DAAM1: variants seen among roughly 807,000 people sequenced by gnomAD.
The protein encoded by DAAM1 is disheveled-associated activator of morphogenesis 1.
DAAM1 carries 52 observed loss-of-function variants against 130.0 expected under a neutral mutation model. The observed-to-expected ratio is 0.40, with a 90% CI of 0.32 to 0.50. The LOEUF (loss-of-function observed/expected upper bound fraction) is 0.50, where lower values mean the gene tolerates loss of function less well. Among genes scored for constraint, DAAM1 ranks in the 20% least tolerant of loss-of-function variants. The pLI, the probability that DAAM1 is intolerant of heterozygous loss-of-function variation, is 0.61. For synonymous variants in DAAM1, 452 were observed against 444.5 expected (o/e 1.02, Z -0.21); for missense variants, 1,134 against 1,303.8 (o/e 0.87, Z 2.01).
chr14:59,275,019 A>C (rs1468981506), intron 2 of DAAM1, among the ~76,000 whole-genome samples: 1 of 152,226 alleles, frequency 6.6e-6, no homozygotes, highest in African/African-American at 2.4e-5. Context: ...TTAAAGCTTT[A>C]AAGTGTCAGA....
chr14:59,362,702 A>T (rs921999107), intron 22 of DAAM1: 1 of 152,106 alleles, frequency 6.6e-6, no homozygotes, highest in African/African-American at 2.4e-5. Context: ...GAACCAAATC[A>T]GTGGTAGAGC....
chr14:59,355,034 C>A, intron 19 of DAAM1, 131 bp from the exon 20 acceptor site: 1 of 1,250,290 alleles, frequency 8.0e-7, no homozygotes, highest in Non-Finnish European at 1.1e-6. Flanking sequence ...TCTTGGTAAC[C>A]CAATAACTCA....
intron 4 of DAAM1, among the ~76,000 whole-genome samples, chr14:59,319,799 A>T (rs1469305720): frequency 2.0e-5 from 3 of 152,148 alleles, no homozygotes; most frequent in African/African-American, 4.8e-5. Flanking sequence ...TCAGGAATGC[A>T]ACATCTCAGA....
At chr14:59,334,215 A>C (rs539049123) in intron 15 of DAAM1, among the ~76,000 whole-genome samples, 1 of 152,334 alleles carries the variant, frequency 6.6e-6, no homozygotes, top group Admixed American at 6.5e-5. Context: ...CTGAATTCTG[A>C]TAGAAAATCC....
At chr14:59,292,386 CAT>C (rs1883778081) in intron 3 of DAAM1, among the ~76,000 whole-genome samples, 1 of 152,230 alleles carries the variant, frequency 6.6e-6, no homozygotes, top group African/African-American at 2.4e-5. Flanking sequence ...TCTCTCAGCA[CAT>C]CTGCCCCCCT....
At chr14:59,261,930 A>G (rs1882174619) in intron 1 of DAAM1, among the ~76,000 whole-genome samples, 1 of 152,188 alleles carries the variant, frequency 6.6e-6, no homozygotes, top group Non-Finnish European at 1.5e-5. Flanking sequence ...TTCTATGTGT[A>G]TACTTTTATA....
chr14:59,218,015 C>T (rs1006605999), intron 1 of DAAM1, among the ~76,000 whole-genome samples: 1 of 151,432 alleles, frequency 6.6e-6, no homozygotes, highest in Non-Finnish European at 1.5e-5. Flanking sequence ...TGCATGTAGT[C>T]CCAGCTATTT....
In DAAM1 at chr14:59,244,271, C is replaced by T. The variant is rs546231954; in HGVS notation, c.-37-19170C>T. Among the ~76,000 whole-genome samples the T allele has an allele frequency of 1.6e-4, 24 of 150,560 alleles. No individual in the cohort carries two copies. In the South Asian group the frequency reaches 4.8e-3, roughly 30 times the overall value. On this transcript the variant is annotated intron_variant, in intron 1 of 24. Transcript: ENST00000360909. ...TTTTTTTTTTAATAAATTGCCCAGT[C>T]TTGGTTATGTCTTTATCAGCAGCCA...
At chr14:59,248,441 C>T (rs184977894) in intron 1 of DAAM1, among the ~76,000 whole-genome samples, 21 of 152,262 alleles carry the variant, frequency 1.4e-4, no homozygotes, top group Admixed American at 1.0e-3. Flanking sequence ...TTGTTTGTCT[C>T]CTGCAGCTTC....
chr14:59,191,759 G>T (rs939442520), intron 1 of DAAM1, among the ~76,000 whole-genome samples: 1 of 152,244 alleles, frequency 6.6e-6, no homozygotes, highest in Middle Eastern at 3.4e-3. Flanking sequence ...TTCCCAGGAG[G>T]TGTGTGACAC....
At chr14:59,255,842 A>C (rs1169061551) in intron 1 of DAAM1, among the ~76,000 whole-genome samples, 1 of 152,340 alleles carries the variant, frequency 6.6e-6, no homozygotes, top group East Asian at 1.9e-4. Context: ...AATGCTGTCT[A>C]TCTTGATTCA....
In DAAM1 at chr14:59,284,233, G is replaced by A. The variant is rs866975432; in HGVS notation, c.184-6984G>A. On this transcript the variant is annotated intron_variant, in intron 2 of 24. Coordinates refer to ENST00000360909, the MANE Select transcript of DAAM1 (RefSeq NM_001270520.2). ...AGAGGTTATTAGGACATAAGTGTTC[G>A]TGGTTTCAGTGAGAATGAAAGGGAA... Among the ~76,000 whole-genome samples the A allele has an allele frequency of 9.9e-5, 15 of 152,196 alleles. No individual in the cohort carries two copies. The South Asian group carries it at 1.0e-3, about 11-fold the overall frequency.
Position 59,315,425 on chromosome 14 carries a change from A to G in DAAM1, c.345+74A>G, listed in dbSNP as rs1047724658. 21 of 1,410,368 alleles carry G rather than the reference A, an allele frequency of 1.5e-5. No homozygotes were observed. The East Asian group carries it at 2.0e-4, about 14-fold the overall frequency. 87.4% of individuals were successfully genotyped at this position (1,410,368 alleles called of 1,614,324 possible). ...AGTACAAAGTACACAGTTGCACAATAAATTCGATTGAGTATGACCTACCAA... is the reference window on the plus strand; with the variant it reads ...AGTACAAAGTACACAGTTGCACAATGAATTCGATTGAGTATGACCTACCAA... On this transcript the variant is annotated intron_variant, in intron 4 of 24. Coordinates refer to ENST00000360909, the MANE Select transcript of DAAM1 (RefSeq NM_001270520.2).
intron 2 of DAAM1, among the ~76,000 whole-genome samples, chr14:59,267,905 T>A (rs866449398): frequency 1.7e-5 from 1 of 58,004 alleles, no homozygotes. Flanking sequence ...CCCCCCCCTT[T>A]TTTTTTTTTT....
intron 2 of DAAM1, among the ~76,000 whole-genome samples, chr14:59,281,240 T>C (rs1282907425): frequency 6.6e-6 from 1 of 152,150 alleles, no homozygotes; most frequent in East Asian, 1.9e-4. Context: ...TTACAACTTA[T>C]TTCTGCTCAG....
intron 15 of DAAM1, among the ~76,000 whole-genome samples, chr14:59,335,754 C>T (rs1403960457): frequency 6.6e-6 from 1 of 152,058 alleles, no homozygotes; most frequent in Non-Finnish European, 1.5e-5. Flanking sequence ...CAAAGAATAA[C>T]GGTGGTCTCA....
intron 19 of DAAM1, among the ~76,000 whole-genome samples, chr14:59,354,760 A>G (rs140485356): frequency 1.2e-3 from 183 of 152,356 alleles, no homozygotes; most frequent in African/African-American, 4.1e-3. Context: ...TATGACATGT[A>G]ACACATTTAA....
intron 1 of DAAM1, among the ~76,000 whole-genome samples, chr14:59,239,664 C>T (rs1018418691): frequency 6.6e-6 from 1 of 152,156 alleles, no homozygotes; most frequent in African/African-American, 2.4e-5. Context: ...TATATTCCTT[C>T]CCTACCACAC....
intron 2 of DAAM1, among the ~76,000 whole-genome samples, chr14:59,272,039 GT>G (rs1480311823): frequency 6.6e-6 from 1 of 152,104 alleles, no homozygotes; most frequent in African/African-American, 2.4e-5. Flanking sequence ...GGATTGCTCT[GT>G]AGTTACACAG....
Sources: gnomAD v4.1 joint callset for allele counts (sites outside exome capture counted in the v4.1 genomes callset) on GRCh38, gnomAD v4.1.1 for gene constraint, MANE v1.5 for transcripts, NCBI Gene and HGNC (gene_info 2026-07-23, HGNC 2026-07-21) for gene names.